Variants in ATG13 observed in about 807,000 individuals in gnomAD.
The protein encoded by ATG13 is autophagy-related protein 13.
A neutral mutation model predicts 65.5 loss-of-function variants in ATG13; 23 were observed. The observed-to-expected ratio is 0.35, with a 90% CI of 0.25 to 0.50. ATG13 has a LOEUF of 0.50. Among genes scored for constraint, ATG13 ranks in the 20% least tolerant of loss-of-function variants. The probability of loss-of-function intolerance (pLI) is 0.98; values close to 1 mark genes in which losing one functional copy is unlikely to be tolerated. For missense variants in ATG13, 566 were observed against 677.0 expected (o/e 0.84, Z 1.82); for synonymous variants, 252 against 245.2 (o/e 1.03, Z -0.26).
intron 6 of ATG13, 138 bp from the exon 7 acceptor site, chr11:46,650,039 G>A: frequency 1.1e-6 from 1 of 897,958 alleles, no homozygotes; most frequent in South Asian, 2.7e-5. Context: ...GTAAAACATT[G>A]GCTTACCTCA....
intron 1 of ATG13, among the ~76,000 whole-genome samples, chr11:46,624,885 T>A (rs899934217): frequency 1.3e-5 from 2 of 151,998 alleles, no homozygotes; most frequent in African/African-American, 4.8e-5. Flanking sequence ...AATAAAAAAT[T>A]ACCTGGGCAT....
Position 46,650,603 on chromosome 11 carries a change from T to TTTTA in ATG13, c.458+303_458+306dup, listed in dbSNP as rs941121967. ...TAGAGCTAGGGAAGGAAGTCAAGAG[T>TTTTA]TTTATTTATTTATTTATTTAGAGAC... is the stretch of plus-strand genomic sequence containing the variant. On this transcript the variant is annotated intron_variant, in intron 7 of 18. Transcript: ENST00000683050. Among the ~76,000 whole-genome samples the TTTTA allele has an allele frequency of 1.4e-4, 22 of 151,916 alleles. 1 individual carries two copies. The highest frequency in any genetic ancestry group is 2.4e-4 in the African/African-American group (10 of 41,440).
At chr11:46,633,693 C>A (rs1049820528) in intron 2 of ATG13, among the ~76,000 whole-genome samples, 1 of 152,010 alleles carries the variant, frequency 6.6e-6, no homozygotes, top group African/African-American at 2.4e-5. Context: ...AGTTTATAGT[C>A]CCAGCTACTC....
At chr11:46,656,648 C>G (rs1025102579) in intron 8 of ATG13, among the ~76,000 whole-genome samples, 1 of 152,186 alleles carries the variant, frequency 6.6e-6, no homozygotes, top group Non-Finnish European at 1.5e-5. Context: ...TGGCTCTTTA[C>G]TTAGCCGTGG....
chr11:46,623,625 A>G (rs1421207404), intron 1 of ATG13, among the ~76,000 whole-genome samples: 2 of 151,876 alleles, frequency 1.3e-5, no homozygotes, highest in Non-Finnish European at 2.9e-5. Flanking sequence ...ATGGGGTTTC[A>G]CCATGTTGGC....
chr11:46,645,833 G>C (rs758832066), intron 4 of ATG13, 37 bp from the exon 5 acceptor site: 2 of 1,613,288 alleles, frequency 1.2e-6, no homozygotes, highest in Admixed American at 3.3e-5. Flanking sequence ...TAATGTTCCT[G>C]TGAGTGTTTC....
intron 7 of ATG13, among the ~76,000 whole-genome samples, 195 bp downstream of exon 7, chr11:46,650,512 T>C (rs776270948): frequency 6.6e-5 from 10 of 152,226 alleles, no homozygotes; most frequent in Non-Finnish European, 1.5e-4. Context: ...AGGTTTATTA[T>C]CCTTTTCTAT....
At position 46,626,582 on chromosome 11, in the gene ATG13, T is replaced by C. The variant is rs564486841; in HGVS notation, c.-69-3463T>C. ...TGATTTCTGAGCCCCAATATCAGTATGTTATCTTTGATGACTTTGTTAAGA... is the reference window on the plus strand; with the variant it reads ...TGATTTCTGAGCCCCAATATCAGTACGTTATCTTTGATGACTTTGTTAAGA... On this transcript the variant is annotated intron_variant, in intron 1 of 18. Transcript: ENST00000683050. Among the ~76,000 whole-genome samples the C allele has an allele frequency of 5.3e-5, 8 of 152,272 alleles. No homozygotes were observed. The East Asian group carries it at 7.7e-4, about 15-fold the overall frequency.
intron 1 of ATG13, 60 bp downstream of exon 1, chr11:46,617,950 G>A (rs2045833664): frequency 5.0e-6 from 2 of 398,982 alleles, no homozygotes; most frequent in South Asian, 1.3e-4. Flanking sequence ...GGGAGGCTGT[G>A]GATCTGCGGC....
Position 46,617,885 on chromosome 11 carries a change from T to A in ATG13, c.-75T>A, listed in dbSNP as rs960399664. 4 of 399,000 alleles carry A rather than the reference T, an allele frequency of 1.0e-5. No individual in the cohort carries two copies. Among genetic ancestry groups the A allele is most frequent in the African/African-American group, 8.2e-5 (4 of 48,646 alleles). 24.7% of individuals were successfully genotyped at this position (399,000 alleles called of 1,614,324 possible). On this transcript the variant is annotated 5_prime_UTR_variant, in exon 1 of 19. Transcript: ENST00000683050. The stretch of plus-strand genomic sequence containing the variant: ...CGGAACCACTCTTTGTGCCGCAGCT[T>A]CGCAGGTACTAACTTTTGCGGGGGA...
intron 7 of ATG13, among the ~76,000 whole-genome samples, chr11:46,653,700 G>T (rs532733286): frequency 6.6e-6 from 1 of 151,854 alleles, no homozygotes; most frequent in Non-Finnish European, 1.5e-5. Context: ...CTCCCGAGTA[G>T]CTGGGACTAC....
chr11:46,632,938 G>A (rs1453083322), intron 2 of ATG13, among the ~76,000 whole-genome samples: 1 of 148,246 alleles, frequency 6.7e-6, no homozygotes, highest in African/African-American at 2.5e-5. Context: ...GGAGGTGGGA[G>A]GATCACTTGA....
chr11:46,661,690 G>A (rs2061263320), intron 11 of ATG13, among the ~76,000 whole-genome samples: 1 of 151,702 alleles, frequency 6.6e-6, no homozygotes, highest in Non-Finnish European at 1.5e-5. Context: ...AAATTAGCGG[G>A]TGTGTTGGTA....
chr11:46,662,407 A>G lies in ATG13; in HGVS notation c.790-1590A>G, dbSNP rs4551720. Among the ~76,000 whole-genome samples, 1,499 of 152,334 alleles carry G rather than the reference A, an allele frequency of 9.8e-3. 15 individuals carry two copies. The highest frequency in any genetic ancestry group is 0.035 in the African/African-American group (1,445 of 41,562). ...TTTGTCTGTTTCCCTGATACAATGG[A>G]AAGTTGAACCTAAAAGTAAATGGAA... On this transcript the variant is annotated intron_variant, in intron 11 of 18. Transcript: ENST00000683050.
chr11:46,666,931 C>T (rs910659052), intron 14 of ATG13, among the ~76,000 whole-genome samples: 3 of 151,714 alleles, frequency 2.0e-5, no homozygotes, highest in African/African-American at 7.3e-5. Flanking sequence ...TGTGTGTGTG[C>T]CATCCATCAG....
At chr11:46,670,058 C>T (rs1367916230) in intron 18 of ATG13, among the ~76,000 whole-genome samples, 1 of 152,178 alleles carries the variant, frequency 6.6e-6, no homozygotes, top group Non-Finnish European at 1.5e-5. Flanking sequence ...CCCGCACAAG[C>T]CACAAACTGG....
intron 18 of ATG13, 143 bp from the exon 19 acceptor site, chr11:46,672,112 A>G (rs935503843): frequency 7.6e-7 from 1 of 1,323,262 alleles, no homozygotes; most frequent in Non-Finnish European, 1.0e-6. Flanking sequence ...GTGCCTACGC[A>G]GCTGCCCTGC....
Position 46,672,890 on chromosome 11 carries a change from A to T in ATG13, c.*558A>T. 2 of 1,021,652 alleles carry T rather than the reference A, an allele frequency of 2.0e-6. No homozygotes were observed. Among genetic ancestry groups the T allele is most frequent in the South Asian group, 3.3e-5 (2 of 61,524 alleles). The allele number at this position is 1,021,652 out of a possible 1,614,324, so 63.3% of individuals were successfully genotyped here. On this transcript the variant is annotated 3_prime_UTR_variant, in exon 19 of 19. Coordinates refer to ENST00000683050, the MANE Select transcript of ATG13 (RefSeq NM_001346311.2). Reference sequence around the variant, plus strand: ...TTCTCTCTCTTGCCTCTATGCCTGTATTTCTGGCAATATGACAGGCCTGCC... The same window carrying T: ...TTCTCTCTCTTGCCTCTATGCCTGTTTTTCTGGCAATATGACAGGCCTGCC...
intron 6 of ATG13, 115 bp downstream of exon 6, chr11:46,649,298 C>A: frequency 8.4e-7 from 1 of 1,195,318 alleles, no homozygotes; most frequent in Non-Finnish European, 1.2e-6. Flanking sequence ...GACCACTTAA[C>A]AAAGCCAATA....
Sources: gnomAD v4.1 joint callset for allele counts (sites outside exome capture counted in the v4.1 genomes callset) on GRCh38, gnomAD v4.1.1 for gene constraint, MANE v1.5 for transcripts, NCBI Gene and HGNC (gene_info 2026-07-23, HGNC 2026-07-21) for gene names.